The following CENPA variants were observed in gnomAD, a reference collection of about 807,000 sequenced individuals.
CENPA encodes the protein histone H3-like centromeric protein A.
A neutral mutation model predicts 17.2 loss-of-function variants in CENPA; 7 were observed. The ratio of observed to expected loss-of-function variants is 0.41; its 90% CI spans 0.23 to 0.76. The LOEUF (loss-of-function observed/expected upper bound fraction) is 0.76. Ranked by LOEUF, CENPA falls within the 30% of genes least tolerant of loss-of-function variation. The pLI is 0.34. For missense variants in CENPA, 149 were observed against 193.1 expected, an observed-to-expected ratio of 0.77 and a Z score of 1.35; for synonymous variants, 82 against 77.4, an observed-to-expected ratio of 1.06 and a Z score of -0.31.
chr2:26,792,347 C>A (rs1664635678), intron 2 of CENPA, 107 bp downstream of exon 2: 2 of 783,568 alleles, frequency 2.6e-6, no homozygotes, highest in African/African-American at 3.5e-5. Context: ...CAAGGGACCT[C>A]TTTTGTAACC....
At chr2:26,792,008 A>G in intron 1 of CENPA, 123 bp from the exon 2 acceptor site, 1 of 832,138 alleles carries the variant, frequency 1.2e-6, no homozygotes, top group African/African-American at 1.7e-5. Context: ...AAAACAGACA[A>G]AAATCCCTGC....
Position 26,793,310 on chromosome 2 carries a change from T to G in CENPA, c.*31T>G. 1 of 1,611,776 alleles carries G rather than the reference T, an allele frequency of 6.2e-7. No individual in the cohort carries two copies. Among genetic ancestry groups the G allele is most frequent in the Non-Finnish European group, 8.5e-7 (1 of 1,179,396 alleles). Reference sequence around the variant, plus strand: ...TGCACCCAGTGTTTCTGTCAGTCTTTCCTGCTCAGCCAGGGGGTAAGCTCA... The same window carrying G: ...TGCACCCAGTGTTTCTGTCAGTCTTGCCTGCTCAGCCAGGGGGTAAGCTCA... On this transcript the variant is annotated 3_prime_UTR_variant, in exon 4 of 5. Transcript: ENST00000335756.
At chr2:26,792,668 C>T (rs78821247) in intron 2 of CENPA, 88 bp from the exon 3 acceptor site, 12 of 1,125,648 alleles carry the variant, frequency 1.1e-5, no homozygotes, top group Non-Finnish European at 1.5e-5. Context: ...GGAAGATTCA[C>T]TGGAACTCAT....
At chr2:26,793,035 T>G (rs2289017) in intron 3 of CENPA, 110 bp from the exon 4 acceptor site, 1 of 1,449,914 alleles carries the variant, frequency 6.9e-7, no homozygotes, top group South Asian at 1.3e-5. Flanking sequence ...ATTCTGTGAA[T>G]AGTTTCCTAC....
At chr2:26,786,645 G>T (rs960788247) in intron 1 of CENPA, among the ~76,000 whole-genome samples, 1 of 152,384 alleles carries the variant, frequency 6.6e-6, no homozygotes, top group African/African-American at 2.4e-5. Context: ...TGAGAAAGCC[G>T]AGGCACAGGC....
At position 26,793,035 on chromosome 2, in the gene CENPA, T is replaced by C. The variant is rs2289017; in HGVS notation, c.289-110T>C. The C allele has an allele frequency of 0.32, 462,438 of 1,446,186 alleles. 76,404 individuals carry two copies. The highest frequency in any genetic ancestry group is 0.34 in the Non-Finnish European group (357,348 of 1,053,898). The allele number at this position is 1,446,186 out of a possible 1,614,324, so 89.6% of individuals were successfully genotyped here. ...GCAAAGTTCAGTCTCATTCTGTGAA[T>C]AGTTTCCTACAATCCTTTGAGCCCT... On this transcript the variant is annotated intron_variant, in intron 3 of 4. Coordinates refer to ENST00000335756, the MANE Select transcript of CENPA (RefSeq NM_001809.4).
chr2:26,786,134 C>T lies in CENPA; in HGVS notation c.-63C>T, dbSNP rs796306280. On this transcript the variant is annotated 5_prime_UTR_variant, in exon 1 of 5. Transcript: ENST00000335756. ...GCTCCCCAGAAGCCAGCCTTTCGCT[C>T]CCGGACCCGGCAGCCCGAGCAGGAG... 9 of 1,358,102 alleles carry T rather than the reference C, an allele frequency of 6.6e-6. No individual in the cohort carries two copies. The African/African-American group carries it at 1.4e-4, about 21-fold the overall frequency. 84.1% of individuals were successfully genotyped at this position (1,358,102 alleles called of 1,614,324 possible).
rs571437908 is a variant in CENPA, at chr2:26,789,772, A to G, written c.101-2359A>G. ...CTACTTCCAAACTGCATCCTTAATC[A>G]CTCCATTTTCACCATCTCTGCTCCC... On this transcript the variant is annotated intron_variant, in intron 1 of 4. Coordinates refer to ENST00000335756, the MANE Select transcript of CENPA (RefSeq NM_001809.4). Among the ~76,000 whole-genome samples the G allele has an allele frequency of 1.1e-4, 17 of 151,434 alleles. 1 individual carries two copies. Among genetic ancestry groups the G allele is most frequent in the African/African-American group, 3.6e-4 (15 of 41,186 alleles).
At chr2:26,792,464 A>G in intron 2 of CENPA, 1 of 711,396 alleles carries the variant, frequency 1.4e-6, no homozygotes. Context: ...GTAGTTTTTG[A>G]CTGTATAAAT....
intron 1 of CENPA, among the ~76,000 whole-genome samples, chr2:26,788,880 G>C (rs1212716564): frequency 1.3e-5 from 2 of 152,124 alleles, no homozygotes; most frequent in Non-Finnish European, 2.9e-5. Context: ...TCACCATGTT[G>C]GTCAGGCTGG....
intron 2 of CENPA, 173 bp downstream of exon 2, chr2:26,792,413 T>C: frequency 1.4e-6 from 1 of 699,860 alleles, no homozygotes; most frequent in African/African-American, 1.8e-5. Flanking sequence ...TTGTAATTCT[T>C]TATGGAATTG....
intron 1 of CENPA, among the ~76,000 whole-genome samples, chr2:26,789,456 C>T (rs1664577366): frequency 6.6e-6 from 1 of 151,982 alleles, no homozygotes; most frequent in South Asian, 2.1e-4. Flanking sequence ...CCTAGGTGGT[C>T]TCATCTCCTC....
rs777089020 is a variant in CENPA at position 26,787,285 on chromosome 2, C to T, written c.100+989C>T. On this transcript the variant is annotated intron_variant, in intron 1 of 4. Transcript: ENST00000335756. The stretch of plus-strand genomic sequence containing the variant: ...GGCTGGAGTGCAGTGGCGCGATCTC[C>T]GCTCACGGCAAGCTCCGCCTCCTGG... 8.6e-5 allele frequency among the ~76,000 whole-genome samples: 13 copies of T among 152,044 alleles called. No individual in the cohort carries two copies. In the East Asian group the frequency reaches 1.4e-3, roughly 16 times the overall value.
chr2:26,788,336 A>G (rs1664550448), intron 1 of CENPA, among the ~76,000 whole-genome samples: 1 of 152,026 alleles, frequency 6.6e-6, no homozygotes, highest in Admixed American at 6.5e-5. Flanking sequence ...CCTTTTTTGT[A>G]GAGACAAATT....
rs201337992 is a variant in CENPA at position 26,793,099 on chromosome 2, C to G, written c.289-46C>G. On this transcript the variant is annotated intron_variant, in intron 3 of 4. Transcript: ENST00000335756. ...TAGCAGGTTTCCAAAAAAAAGCAGC[C>G]CGTGGCCCTTCATCTGTGTCCGTCT... 32 of 1,610,298 alleles carry G rather than the reference C, an allele frequency of 2.0e-5. No individual in the cohort carries two copies. In the East Asian group the frequency reaches 3.8e-4, roughly 19 times the overall value.
chr2:26,789,229 T>C (rs1664572400), intron 1 of CENPA, among the ~76,000 whole-genome samples: 1 of 152,066 alleles, frequency 6.6e-6, no homozygotes, highest in South Asian at 2.1e-4. Flanking sequence ...CTAGCACCTT[T>C]TGTAGTGCCA....
rs745582099 is a variant in CENPA, at chr2:26,793,208, C to T, written c.352C>T (p.Arg118Ter). The change falls in exon 4 of 5, where the codon CGA (arginine) becomes TGA (stop). Residue 118 changes from arginine (R) to a stop codon, truncating the protein, a stop_gained. Transcript: ENST00000335756. LOFTEE classifies it high-confidence loss of function. ...CTATCTCCTCACCTTACATGCAGGC[C>T]GAGTTACTCTCTTCCCAAAGGATGT... ...DAYLLTLHAGRVTLFPKDVQL... is the reference protein window; with the variant it reads ...DAYLLTLHAG 1.9e-6 allele frequency: 3 copies of T among 1,614,138 alleles called. No homozygotes were observed. Among genetic ancestry groups the T allele is most frequent in the East Asian group, 2.2e-5 (1 of 44,884 alleles).
At chr2:26,793,016 T>A in intron 3 of CENPA, 129 bp from the exon 4 acceptor site, 5 of 1,372,504 alleles carry the variant, frequency 3.6e-6, no homozygotes, top group Non-Finnish European at 5.0e-6. Context: ...CCTGGCAAAG[T>A]TCAGTCTCAT....
At position 26,793,163 on chromosome 2, in the gene CENPA, G is replaced by A; in HGVS notation, c.307G>A (p.Val103Ile). The stretch of plus-strand genomic sequence containing the variant: ...TCTCCAGGCAGCAGAAGCATTTCTA[G>A]TTCATCTCTTTGAGGACGCCTATCT... ...ALQEAAEAFL[V>I]HLFEDAYLLT... The change falls in exon 4 of 5, where the codon GTT becomes ATT. Residue 103 changes from valine (V) to isoleucine (I), a missense_variant. Physicochemically the swap from Val to Ile is conservative, Grantham distance 29. Transcript: ENST00000335756. 1 of 1,614,148 alleles carries A rather than the reference G, an allele frequency of 6.2e-7. No homozygotes were observed. Among genetic ancestry groups the A allele is most frequent in the Non-Finnish European group, 8.5e-7 (1 of 1,180,032 alleles).
Sources: allele counts gnomAD v4.1 joint callset (sites outside exome capture counted in the v4.1 genomes callset), GRCh38; gene constraint gnomAD v4.1.1; transcripts MANE v1.5; gene names NCBI Gene and HGNC (gene_info 2026-07-23, HGNC 2026-07-21).